The following NAALADL2 variants were observed in gnomAD, a reference collection of about 807,000 sequenced individuals.
NAALADL2 encodes the protein inactive N-acetylated-alpha-linked acidic dipeptidase-like protein 2.
Under a neutral mutation model 87.2 loss-of-function variants are expected in NAALADL2, and 76 were observed. That is an observed-to-expected ratio of 0.87 (90% CI 0.72 to 1.05). The LOEUF is 1.05. Among genes scored for constraint, NAALADL2 ranks in the 50% least tolerant of loss-of-function variants. The pLI is 0.00. For synonymous variants in NAALADL2, 354 were observed against 331.0 expected (o/e 1.07, Z -0.75); for missense variants, 1,089 against 945.8 (o/e 1.15, Z -1.99).
At chr3:174,949,639 C>T (rs1035064748) in intron 1 of NAALADL2, among the ~76,000 whole-genome samples, 15 of 152,182 alleles carry the variant, frequency 9.9e-5, no homozygotes, top group South Asian at 2.1e-4. Flanking sequence ...ACTATAAACA[C>T]GGAACACCAT....
At chr3:174,861,388 C>T (rs941486531) in intron 1 of NAALADL2, among the ~76,000 whole-genome samples, 1 of 151,968 alleles carries the variant, frequency 6.6e-6, no homozygotes, top group Admixed American at 6.6e-5. Context: ...TCTGTGATAC[C>T]CTGTCCAAAA....
intron 2 of NAALADL2, among the ~76,000 whole-genome samples, chr3:174,564,970 A>G (rs1341931528): frequency 1.3e-5 from 2 of 152,028 alleles, no homozygotes; most frequent in East Asian, 1.9e-4. Flanking sequence ...GAAAATTGAT[A>G]GACTTTTTTG....
chr3:175,680,903 C>T lies in NAALADL2; in HGVS notation c.1896+53517C>T, dbSNP rs546808616. 5.1e-4 allele frequency among the ~76,000 whole-genome samples: 78 copies of T among 152,158 alleles called. No homozygotes were observed. The South Asian group carries it at 0.015, about 29-fold the overall frequency. ...GCTGAGGCGGGCGGATCAAGAGGTG[C>T]GGAGATCGGCACAATCCTGGCCAAC... On this transcript the variant is annotated intron_variant, in intron 11 of 13. Transcript: ENST00000454872.
chr3:175,039,886 C>CT (rs1753853950), intron 1 of NAALADL2, among the ~76,000 whole-genome samples: 2 of 152,012 alleles, frequency 1.3e-5, no homozygotes, highest in African/African-American at 2.4e-5. Context: ...TCTTTCATTC[C>CT]TTTAGTTTTG....
chr3:175,317,644 C>T (rs537103799), intron 4 of NAALADL2, among the ~76,000 whole-genome samples: 2 of 151,718 alleles, frequency 1.3e-5, no homozygotes, highest in East Asian at 2.0e-4. Flanking sequence ...GATAAGTGGC[C>T]CAGAAATCTT....
chr3:174,599,075 T>C (rs1163027755), intron 2 of NAALADL2, among the ~76,000 whole-genome samples: 4 of 152,182 alleles, frequency 2.6e-5, no homozygotes, highest in Admixed American at 2.6e-4. Flanking sequence ...TTAGATGCCT[T>C]GACAGTGCTT....
intron 3 of NAALADL2, among the ~76,000 whole-genome samples, chr3:174,781,150 T>C (rs1715928019): frequency 6.6e-6 from 1 of 152,088 alleles, no homozygotes; most frequent in Admixed American, 6.6e-5. Context: ...AGAGATCCGC[T>C]GTTAGTCTTA....
At chr3:175,387,149 A>G (rs534033404) in intron 5 of NAALADL2, among the ~76,000 whole-genome samples, 16 of 152,210 alleles carry the variant, frequency 1.1e-4, no homozygotes, top group African/African-American at 3.1e-4. Flanking sequence ...TAAAAGTGGG[A>G]AAGACTTTAG....
At chr3:175,496,280 C>T (rs1028914767) in intron 9 of NAALADL2, among the ~76,000 whole-genome samples, 4 of 151,740 alleles carry the variant, frequency 2.6e-5, no homozygotes, top group African/African-American at 9.7e-5. Context: ...AACTTTAAGA[C>T]TTGTATTATA....
intron 2 of NAALADL2, chr3:174,692,074 C>A (rs1299312105): frequency 6.6e-6 from 1 of 152,186 alleles, no homozygotes; most frequent in Non-Finnish European, 1.5e-5. Context: ...GACCTCCTCC[C>A]ATGAATGTTC....
At chr3:174,800,043 G>T (rs1342180792) in intron 3 of NAALADL2, among the ~76,000 whole-genome samples, 1 of 152,190 alleles carries the variant, frequency 6.6e-6, no homozygotes, top group South Asian at 2.1e-4. Flanking sequence ...CAAGATGTGA[G>T]TTGGGTGTTG....
chr3:175,121,428 T>C (rs1341032251), intron 2 of NAALADL2, among the ~76,000 whole-genome samples: 1 of 151,768 alleles, frequency 6.6e-6, no homozygotes, highest in African/African-American at 2.4e-5. Context: ...ATGGATAGGG[T>C]GAAGAGCAGA....
chr3:175,002,039 T>A (rs9843888), intron 1 of NAALADL2, among the ~76,000 whole-genome samples: 24,443 of 152,164 alleles, frequency 0.16, 2,503 homozygotes, highest in African/African-American at 0.29. Context: ...AAATGGCATG[T>A]GTGCAGGCCA....
chr3:175,320,920 G>A (rs1226818994), intron 4 of NAALADL2, among the ~76,000 whole-genome samples: 5 of 149,230 alleles, frequency 3.4e-5, no homozygotes, highest in Non-Finnish European at 7.4e-5. Flanking sequence ...AGGAGGAACT[G>A]GTACCATTCC....
At chr3:174,460,096 A>G (rs552197893) in intron 1 of NAALADL2, among the ~76,000 whole-genome samples, 4 of 152,266 alleles carry the variant, frequency 2.6e-5, no homozygotes, top group African/African-American at 9.6e-5. Flanking sequence ...GAGTCATGGC[A>G]TCTGGAATTA....
At chr3:174,696,885 C>T (rs1035068369) in intron 2 of NAALADL2, among the ~76,000 whole-genome samples, 3 of 151,916 alleles carry the variant, frequency 2.0e-5, no homozygotes, top group Admixed American at 6.6e-5. Flanking sequence ...TAAAAATAGC[C>T]GTTCTTAGCA....
At chr3:174,702,532 A>C (rs1202774804) in intron 2 of NAALADL2, among the ~76,000 whole-genome samples, 2 of 152,200 alleles carry the variant, frequency 1.3e-5, no homozygotes, top group Admixed American at 6.5e-5. Flanking sequence ...CATTCTAAGA[A>C]ATATGTCATA....
chr3:174,759,284 A>T (rs1004067949), intron 3 of NAALADL2, among the ~76,000 whole-genome samples: 1 of 152,186 alleles, frequency 6.6e-6, no homozygotes, highest in Non-Finnish European at 1.5e-5. Context: ...TTGCTTTTAG[A>T]TAGGAATAAA....
At chr3:175,535,030 C>T (rs1734619872) in intron 9 of NAALADL2, among the ~76,000 whole-genome samples, 1 of 152,094 alleles carries the variant, frequency 6.6e-6, no homozygotes, top group Non-Finnish European at 1.5e-5. Flanking sequence ...CTTCAACCTG[C>T]TTCCCTAAAC....
Sources: allele counts gnomAD v4.1 joint callset (sites outside exome capture counted in the v4.1 genomes callset), GRCh38; gene constraint gnomAD v4.1.1; transcripts MANE v1.5; gene names NCBI Gene and HGNC (gene_info 2026-07-23, HGNC 2026-07-21).